Variants in VPS54 observed in about 807,000 individuals in gnomAD.
VPS54 encodes the protein vacuolar protein sorting-associated protein 54.
VPS54 carries 45 observed loss-of-function variants against 121.5 expected under a neutral mutation model. The ratio of observed to expected loss-of-function variants is 0.37; its 90% CI spans 0.29 to 0.47. The LOEUF (loss-of-function observed/expected upper bound fraction) is 0.47, where lower values mean the gene tolerates loss of function less well. Ranked by LOEUF, VPS54 falls within the 20% of genes least tolerant of loss-of-function variation. The pLI, the probability that VPS54 is intolerant of heterozygous loss-of-function variation, is 0.99. For missense variants in VPS54, 1,090 were observed against 1,131.4 expected (o/e 0.96, Z 0.52); for synonymous variants, 371 against 385.8 (o/e 0.96, Z 0.45).
At chr2:64,009,184 G>C (rs776198367) in intron 1 of VPS54, among the ~76,000 whole-genome samples, 1 of 152,152 alleles carries the variant, frequency 6.6e-6, no homozygotes, top group Non-Finnish European at 1.5e-5. Flanking sequence ...ATCAATGACT[G>C]AATCAATAAT....
chr2:63,961,628 C>T (rs1228840860), intron 7 of VPS54, among the ~76,000 whole-genome samples: 1 of 152,092 alleles, frequency 6.6e-6, no homozygotes, highest in Admixed American at 6.5e-5. Flanking sequence ...ATTTCTTTTG[C>T]AATTTGATAA....
intron 16 of VPS54, among the ~76,000 whole-genome samples, chr2:63,915,824 A>G (rs1481460433): frequency 6.6e-6 from 1 of 152,224 alleles, no homozygotes; most frequent in Admixed American, 6.5e-5. Flanking sequence ...GATTAATTCT[A>G]TACATACTTT....
chr2:63,912,566 G>C lies in VPS54; in HGVS notation c.2518C>G (p.Leu840Val). The C allele has an allele frequency of 4.3e-6, 7 of 1,611,088 alleles. No homozygotes were observed. The highest frequency in any genetic ancestry group is 5.9e-6 in the Non-Finnish European group (7 of 1,179,272). Residue 840 changes from leucine to valine, a missense_variant, in exon 19 of 23, where the codon CTT (leucine) becomes GTT (valine). By Grantham distance (32) the Leu-to-Val change is conservative. Transcript: ENST00000272322. ...ARLPPKQYSM[L>V]RHFDHITKDY... The stretch of plus-strand genomic sequence containing the variant: ...TTAGTGATATGATCAAAATGCCTAA[G>C]CATGCTATATTGCTTAGGTGGTAGT...
intron 1 of VPS54, among the ~76,000 whole-genome samples, chr2:63,999,803 TTGTG>T (rs1213797677): frequency 7.2e-5 from 11 of 152,062 alleles, no homozygotes; most frequent in South Asian, 2.1e-4. Context: ...TCTTCTCTGA[TTGTG>T]TATTTTCAAA....
intron 11 of VPS54, among the ~76,000 whole-genome samples, chr2:63,940,262 T>C (rs1309062896): frequency 1.3e-5 from 2 of 152,192 alleles, no homozygotes; most frequent in African/African-American, 4.8e-5. Flanking sequence ...GTAATTAACA[T>C]TATTTTTCAG....
chr2:63,950,928 G>A lies in VPS54; in HGVS notation c.1011-1765C>T, dbSNP rs577320083. 2.0e-5 allele frequency among the ~76,000 whole-genome samples: 3 copies of A among 152,224 alleles called. No individual in the cohort carries two copies. In the South Asian group the frequency reaches 6.2e-4, roughly 32 times the overall value. On this transcript the variant is annotated intron_variant, in intron 7 of 22. Coordinates refer to ENST00000272322, the MANE Select transcript of VPS54 (RefSeq NM_016516.3). Reference sequence around the variant, plus strand: ...CAGAAGCTGCTTCTCCTATTATCATGACATTTTTTTAAGCCAAACCTCTAA... The same window carrying A: ...CAGAAGCTGCTTCTCCTATTATCATAACATTTTTTTAAGCCAAACCTCTAA...
intron 7 of VPS54, among the ~76,000 whole-genome samples, chr2:63,956,294 T>C (rs1675487265): frequency 6.6e-6 from 1 of 152,036 alleles, no homozygotes; most frequent in African/African-American, 2.4e-5. Context: ...ATAATAAAGA[T>C]CCCTTAAATG....
intron 7 of VPS54, among the ~76,000 whole-genome samples, chr2:63,957,261 T>C (rs989948850): frequency 1.3e-5 from 2 of 151,634 alleles, no homozygotes; most frequent in Non-Finnish European, 2.9e-5. Context: ...GCTAACACGG[T>C]GAAACCCTGT....
chr2:63,935,392 A>G (rs922397839), intron 11 of VPS54, among the ~76,000 whole-genome samples: 1 of 152,054 alleles, frequency 6.6e-6, no homozygotes, highest in Non-Finnish European at 1.5e-5. Flanking sequence ...ATTGCTCACT[A>G]GCTTCTTCTG....
At position 63,914,204 on chromosome 2, in the gene VPS54, G is replaced by C. The variant is rs1165240929; in HGVS notation, c.2312C>G (p.Thr771Ser). The C allele has an allele frequency of 1.2e-6, 2 of 1,612,968 alleles. No individual in the cohort carries two copies. Among genetic ancestry groups the C allele is most frequent in the East Asian group, 4.5e-5 (2 of 44,852 alleles). ...TACCTTCAATAAATCTGACAGACGA[G>C]TAAGCATGTCAGTAGTAACAGATGG... ...NIPSVTTDML[T>S]RLSDLLKYFN... Residue 771 changes from threonine (T) to serine (S), a missense_variant, in exon 17 of 23, where the codon ACT becomes AGT. Physicochemically the swap from Thr to Ser is moderately conservative, Grantham distance 58. Transcript: ENST00000272322.
At position 64,005,089 on chromosome 2, in the gene VPS54, C is replaced by CTTTTTTTTTTTT. The variant is rs764515091; in HGVS notation, c.-21+13837_-21+13848dup. On this transcript the variant is annotated intron_variant, in intron 1 of 22. Transcript: ENST00000272322. ...TACCATGCCCAGTCTACTATTGCTT[C>CTTTTTTTTTTTT]TTTTTTTTTTTTTTTTTTTTTTTTT... 2.8e-3 allele frequency among the ~76,000 whole-genome samples: 122 copies of CTTTTTTTTTTTT among 44,126 alleles called. 18 individuals are homozygous for CTTTTTTTTTTTT. Among genetic ancestry groups the CTTTTTTTTTTTT allele is most frequent in the African/African-American group, 3.3e-3 (35 of 10,538 alleles). 28.9% of individuals were successfully genotyped at this position (44,126 alleles called of 152,430 possible).
intron 22 of VPS54, among the ~76,000 whole-genome samples, chr2:63,895,974 G>A (rs960765249): frequency 6.6e-6 from 1 of 152,160 alleles, no homozygotes; most frequent in South Asian, 2.1e-4. Flanking sequence ...GTATGAGCAG[G>A]GTTAGGCCTT....
chr2:63,951,682 A>G (rs1675252095), intron 7 of VPS54, among the ~76,000 whole-genome samples: 1 of 152,178 alleles, frequency 6.6e-6, no homozygotes, highest in Admixed American at 6.5e-5. Context: ...TATGGTAGTA[A>G]ATGATAAAAT....
intron 13 of VPS54, 98 bp downstream of exon 13, chr2:63,921,108 A>G: frequency 7.8e-7 from 1 of 1,276,744 alleles, no homozygotes; most frequent in Non-Finnish European, 1.1e-6. Flanking sequence ...TGTTAAAAAT[A>G]TAATATGCAT....
At chr2:63,944,340 C>T (rs1040290651) in intron 10 of VPS54, among the ~76,000 whole-genome samples, 1 of 150,762 alleles carries the variant, frequency 6.6e-6, no homozygotes, top group African/African-American at 2.5e-5. Flanking sequence ...AGTAAAGGTA[C>T]CTATTTCTCC....
chr2:63,960,897 G>C (rs1046710561), intron 7 of VPS54, among the ~76,000 whole-genome samples: 15 of 152,118 alleles, frequency 9.9e-5, no homozygotes, highest in African/African-American at 3.6e-4. Context: ...TTATGTACAG[G>C]TATATTTTTG....
chr2:63,920,103 A>C (rs376611549), intron 14 of VPS54, 108 bp from the exon 15 acceptor site: 4 of 837,066 alleles, frequency 4.8e-6, no homozygotes, highest in African/African-American at 1.7e-5. Flanking sequence ...AGACTTAAAA[A>C]GTGCTGAACA....
intron 3 of VPS54, among the ~76,000 whole-genome samples, chr2:63,981,305 A>G (rs2104613286): frequency 6.6e-6 from 1 of 152,270 alleles, no homozygotes; most frequent in South Asian, 2.1e-4. Flanking sequence ...TGAATCAGAC[A>G]CAGAAACAGT....
chr2:63,972,315 C>G, intron 3 of VPS54, 71 bp from the exon 4 acceptor site: 1 of 1,186,188 alleles, frequency 8.4e-7, no homozygotes, highest in Non-Finnish European at 1.2e-6. Flanking sequence ...AAGTGTTTTG[C>G]AACAGAATAT....
Sources: gnomAD v4.1 joint callset for allele counts (sites outside exome capture counted in the v4.1 genomes callset) on GRCh38, gnomAD v4.1.1 for gene constraint, MANE v1.5 for transcripts, NCBI Gene and HGNC (gene_info 2026-07-23, HGNC 2026-07-21) for gene names.